SHANK2: variants seen among roughly 807,000 people sequenced by gnomAD.
SHANK2 encodes the protein SH3 and multiple ankyrin repeat domains 2, also known as SH3 and multiple ankyrin repeat domains protein 2.
A neutral mutation model predicts 133.7 loss-of-function variants in SHANK2; 43 were observed. The observed-to-expected ratio is 0.32, with a 90% confidence interval of 0.25 to 0.41. The LOEUF is 0.41. SHANK2 is among the 10% of genes least tolerant of loss of function. The probability of loss-of-function intolerance (pLI) is 1.00; values close to 1 mark genes in which losing one functional copy is unlikely to be tolerated. For missense variants in SHANK2, 1,994 were observed against 2,235.8 expected (o/e 0.89, Z 2.18); for synonymous variants, 1,017 against 952.8 (o/e 1.07, Z -1.24).
At position 70,500,623 on chromosome 11, in the gene SHANK2, C is replaced by A. The variant is rs372341607; in HGVS notation, c.2288-33G>T. On this transcript the variant is annotated intron_variant, in intron 20 of 25. Coordinates refer to ENST00000601538, the MANE Select transcript of SHANK2 (RefSeq NM_012309.5). This position sits in a 1 kb window ranked among gnomAD's most constrained non-coding sequence, Gnocchi z 4.5. ...ACAGAAAGGGGACCGCCATGAGCCA[C>A]CAGGATGCAGCGCCCGCCCGCAGCC... is the stretch of plus-strand genomic sequence containing the variant. 5.6e-6 allele frequency: 9 copies of A among 1,595,442 alleles called. No individual in the cohort carries two copies. In the African/African-American group the frequency reaches 6.7e-5, roughly 12 times the overall value.
At chr11:70,677,365 C>T (rs569491445) in intron 15 of SHANK2, among the ~76,000 whole-genome samples, 6 of 152,326 alleles carry the variant, frequency 3.9e-5, no homozygotes, top group East Asian at 1.9e-4. Context: ...GGATTCAGCA[C>T]GTGGTGCCGA....
At chr11:70,760,040 T>C (rs1946959046) in intron 14 of SHANK2, among the ~76,000 whole-genome samples, 1 of 152,250 alleles carries the variant, frequency 6.6e-6, no homozygotes, top group Non-Finnish European at 1.5e-5. Context: ...TTACAGAGGC[T>C]GCTCACTGAG....
At chr11:70,858,264 G>A (rs187156808) in intron 11 of SHANK2, among the ~76,000 whole-genome samples, 1 of 152,324 alleles carries the variant, frequency 6.6e-6, no homozygotes, top group Non-Finnish European at 1.5e-5. Flanking sequence ...TAAAATAACA[G>A]CAGCAACTGC....
intron 17 of SHANK2, among the ~76,000 whole-genome samples, chr11:70,579,247 A>T (rs1591604974): frequency 6.6e-6 from 1 of 152,296 alleles, no homozygotes. Context: ...CAAGAAAATC[A>T]TTTCCAGCCA....
chr11:71,076,037 AAG>A (rs1274990087), intron 8 of SHANK2, among the ~76,000 whole-genome samples: 1 of 152,200 alleles, frequency 6.6e-6, no homozygotes, highest in Non-Finnish European at 1.5e-5. Flanking sequence ...ACGTGGGACA[AAG>A]AACACCACAG....
intron 17 of SHANK2, among the ~76,000 whole-genome samples, chr11:70,653,567 CAA>C (rs1157982312): frequency 2.4e-4 from 15 of 61,796 alleles, no homozygotes; most frequent in South Asian, 1.9e-3. Context: ...CTCAGCCTTC[CAA>C]AAAAAAAAAA....
In SHANK2 at chr11:70,487,096, A is replaced by T; in HGVS notation, c.3197T>A (p.Leu1066Gln). ...DPQAPEPPSQLRPDESLTVSS... is the reference protein window; with the variant it reads ...DPQAPEPPSQQRPDESLTVSS... ...GACGGTCAGGCTTTCGTCAGGCCGCAGCTGGCTCGGTGGCTCCGGGGCCTG... is the reference window on the plus strand; with the variant it reads ...GACGGTCAGGCTTTCGTCAGGCCGCTGCTGGCTCGGTGGCTCCGGGGCCTG... The change falls in exon 25 of 26, where the codon CTG (leucine) becomes CAG (glutamine). Residue 1066 changes from leucine to glutamine, a missense_variant. By Grantham distance (113) the Leu-to-Gln change is moderately radical (BLOSUM62 -2). This residue lies in a region of SHANK2 where 488 missense variants were observed against 642.6 expected (regional missense o/e 0.76). Transcript: ENST00000601538. The surrounding 1 kb of genome is among the most constrained non-coding windows in gnomAD (Gnocchi z 5.8). 6.2e-7 allele frequency: 1 copy of T among 1,610,622 alleles called. No homozygotes were observed. The highest frequency in any genetic ancestry group is 1.1e-5 in the South Asian group (1 of 91,044).
chr11:70,875,147 G>A (rs994517070), intron 11 of SHANK2, among the ~76,000 whole-genome samples: 1 of 152,058 alleles, frequency 6.6e-6, no homozygotes, highest in Non-Finnish European at 1.5e-5. Flanking sequence ...TTTTTAGAAC[G>A]GGGGGACATG....
chr11:70,600,418 C>CAAAAAAAAAAAAAAAAAAAAAAAAAA (rs56103044), intron 17 of SHANK2, among the ~76,000 whole-genome samples: 3 of 95,464 alleles, frequency 3.1e-5, no homozygotes, highest in Admixed American at 1.3e-4. Context: ...GACTCTGTCT[C>CAAAAAAAAAAAAAAAAAAAAAAAAAA]AAAAAAAAAA....
chr11:71,121,223 C>T (rs1459033345), intron 3 of SHANK2, among the ~76,000 whole-genome samples: 1 of 152,220 alleles, frequency 6.6e-6, no homozygotes, highest in African/African-American at 2.4e-5. Context: ...AAATCAGAGC[C>T]ACTACTTAAC....
At chr11:70,638,175 C>T (rs1322256114) in intron 17 of SHANK2, among the ~76,000 whole-genome samples, 12 of 151,850 alleles carry the variant, frequency 7.9e-5, no homozygotes, top group African/African-American at 2.9e-4. Context: ...CTGCTCAGAG[C>T]AGGAGCTTAG....
At chr11:71,130,027 T>A (rs1338731784) in intron 3 of SHANK2, among the ~76,000 whole-genome samples, 3 of 152,204 alleles carry the variant, frequency 2.0e-5, no homozygotes, top group Non-Finnish European at 4.4e-5. Flanking sequence ...TCTGTGTGTG[T>A]CTGCGTCCTC....
intron 10 of SHANK2, among the ~76,000 whole-genome samples, chr11:70,917,593 T>G (rs782057176): frequency 6.6e-6 from 1 of 152,186 alleles, no homozygotes; most frequent in Non-Finnish European, 1.5e-5. Flanking sequence ...AGCAATGACA[T>G]GGAGTCATCC....
chr11:70,541,461 C>T (rs1209793589), intron 17 of SHANK2, among the ~76,000 whole-genome samples: 1 of 152,218 alleles, frequency 6.6e-6, no homozygotes, highest in Non-Finnish European at 1.5e-5. Flanking sequence ...CTGCAGGTAG[C>T]AGGTGGGCTG....
chr11:70,599,132 G>C (rs2060442242), intron 17 of SHANK2, among the ~76,000 whole-genome samples: 1 of 152,082 alleles, frequency 6.6e-6, no homozygotes, highest in Non-Finnish European at 1.5e-5. Flanking sequence ...ATTCAGCAAA[G>C]TGGCTGGATA....
chr11:70,879,002 T>C (rs1369634593), intron 11 of SHANK2, among the ~76,000 whole-genome samples: 3 of 152,168 alleles, frequency 2.0e-5, no homozygotes, highest in African/African-American at 7.2e-5. Context: ...AGGAAAATGT[T>C]TCCTGAGGCT....
intron 17 of SHANK2, among the ~76,000 whole-genome samples, chr11:70,562,256 C>G (rs572235497): frequency 1.3e-5 from 2 of 152,282 alleles, no homozygotes; most frequent in South Asian, 2.1e-4. Context: ...CACTTGAAAA[C>G]AAAGCACAGA....
chr11:71,175,911 T>C lies in SHANK2; in HGVS notation c.-12-28573A>G, dbSNP rs1953432820. Among the ~76,000 whole-genome samples, 2 of 152,096 alleles carry C rather than the reference T, an allele frequency of 1.3e-5. No individual in the cohort carries two copies. Among genetic ancestry groups the C allele is most frequent in the African/African-American group, 2.4e-5 (1 of 41,414 alleles). The stretch of plus-strand genomic sequence containing the variant: ...GGAAGGCCAAGGTAGCTCCAGTTTG[T>C]GGGACAAAACCAGGAGGAGAGAGAA... On this transcript the variant is annotated intron_variant, in intron 2 of 25. Coordinates refer to ENST00000601538, the MANE Select transcript of SHANK2 (RefSeq NM_012309.5). The surrounding 1 kb of genome is among the most constrained non-coding windows in gnomAD (Gnocchi z 4.2).
At chr11:70,560,150 G>A (rs1554980520) in intron 17 of SHANK2, among the ~76,000 whole-genome samples, 3 of 152,144 alleles carry the variant, frequency 2.0e-5, no homozygotes, top group Non-Finnish European at 2.9e-5. Context: ...TGGATTACAG[G>A]CGTGAGCCAC....
Sources: allele counts gnomAD v4.1 joint callset (sites outside exome capture counted in the v4.1 genomes callset), GRCh38; gene constraint gnomAD v4.1.1; regional missense constraint gnomAD v4.1.1; non-coding constraint Gnocchi (gnomAD v3.1); transcripts MANE v1.5; gene names NCBI Gene and HGNC (gene_info 2026-07-23, HGNC 2026-07-21).